TNK2: variants seen among roughly 807,000 people sequenced by gnomAD.
TNK2 encodes tyrosine kinase non receptor 2.
In TNK2, 83 loss-of-function variants were observed where a neutral mutation model predicts 101.8. That is an observed-to-expected ratio of 0.82 (90% CI 0.68 to 0.98). TNK2 has a LOEUF of 0.98. Among genes scored for constraint, TNK2 ranks in the 50% least tolerant of loss-of-function variants. The pLI is 0.00. For synonymous variants in TNK2, 804 were observed against 633.0 expected (o/e 1.27, Z -4.06); for missense variants, 1,665 against 1,483.2 (o/e 1.12, Z -2.01).
chr3:195,872,810 C>A, intron 9 of TNK2: 1 of 262,572 alleles, frequency 3.8e-6, no homozygotes, highest in Admixed American at 5.0e-5. Context: ...CCAACGCCAG[C>A]TTTCAGGTCT....
rs1754969255 is a variant in TNK2 at position 195,884,998 on chromosome 3, TG to T, written c.269del (p.Pro90HisfsTer64). ...GGAAGGTGCTCTGAGAGTGATGAGG[TG>T]GGAACTCAGCCTCCAGTCGCTTTCC... ...FSGKRLEAEF[P>X]PHHSQSTFRK... On this transcript the variant is annotated frameshift_variant, in exon 4 of 16. Coordinates refer to ENST00000672887, the MANE Select transcript of TNK2 (RefSeq NM_001382273.1). LOFTEE classifies it high-confidence loss of function. 1 of 1,608,284 alleles carries T rather than the reference TG, an allele frequency of 6.2e-7. No homozygotes were observed. The highest frequency in any genetic ancestry group is 8.5e-7 in the Non-Finnish European group (1 of 1,176,458).
chr3:195,885,912 T>C lies in TNK2; in HGVS notation c.235-879A>G. The C allele has an allele frequency of 4.0e-6, 1 of 247,068 alleles. No individual in the cohort carries two copies. Among genetic ancestry groups the C allele is most frequent in the South Asian group, 4.5e-5 (1 of 22,400 alleles). 15.3% of individuals were successfully genotyped at this position (247,068 alleles called of 1,614,324 possible). A position where few individuals can be genotyped will look rare whatever the true frequency, so the allele number is the denominator to read the frequency against. ...TCCGTCTGGGCTAGGGTGCCTCAAA[T>C]CTGAGGGCCTCTTCTGGCCTCTGCC... On this transcript the variant is annotated intron_variant, in intron 3 of 15. Transcript: ENST00000672887. This position sits in a 1 kb window ranked among gnomAD's most constrained non-coding sequence, Gnocchi z 4.7.
intron 1 of TNK2, among the ~76,000 whole-genome samples, chr3:195,890,476 A>C (rs1388885863): frequency 4.6e-5 from 4 of 86,970 alleles, no homozygotes; most frequent in Non-Finnish European, 8.7e-5. Context: ...TTTTTTTTTG[A>C]GACAGAGTGA....
chr3:195,869,944 T>G, intron 11 of TNK2, 170 bp downstream of exon 11: 1 of 593,142 alleles, frequency 1.7e-6, no homozygotes, highest in Non-Finnish European at 3.0e-6. Flanking sequence ...TACAGCTGCC[T>G]GTCTTCCACC....
intron 1 of TNK2, among the ~76,000 whole-genome samples, chr3:195,889,530 G>A (rs1757516914): frequency 1.3e-5 from 2 of 152,158 alleles, no homozygotes; most frequent in South Asian, 2.1e-4. Flanking sequence ...GAATATTCAC[G>A]CATTAACCAT....
chr3:195,901,967 T>C (rs563747822), intron 1 of TNK2, among the ~76,000 whole-genome samples: 2 of 152,296 alleles, frequency 1.3e-5, no homozygotes, highest in South Asian at 4.1e-4. Context: ...TGAGGAAGTC[T>C]GAAGAAGGGA....
intron 13 of TNK2, 34 bp downstream of exon 13, chr3:195,867,327 C>A: frequency 6.2e-7 from 1 of 1,608,340 alleles, no homozygotes; most frequent in African/African-American, 1.3e-5. Flanking sequence ...TTGGGCCCTG[C>A]CCCGCTTCGC....
chr3:195,869,300 T>A, intron 12 of TNK2, 197 bp downstream of exon 12: 1 of 641,712 alleles, frequency 1.6e-6, no homozygotes, highest in Non-Finnish European at 2.8e-6. Context: ...GCCACACTCG[T>A]GAGCAGAAGC....
chr3:195,865,070 C>T (rs572926668), intron 15 of TNK2, among the ~76,000 whole-genome samples: 3 of 105,810 alleles, frequency 2.8e-5, no homozygotes, highest in East Asian at 3.0e-4. Context: ...ACAGGTGACA[C>T]GGAGTGCCTG....
At chr3:195,879,442 G>GA in intron 6 of TNK2, 1 of 371,520 alleles carries the variant, frequency 2.7e-6, no homozygotes, top group South Asian at 3.6e-5. Flanking sequence ...GAGAAGCATG[G>GA]AAAGGAAGGA....
Position 195,863,972 on chromosome 3 carries a change from T to C in TNK2, c.*209A>G. 2 of 585,270 alleles carry C rather than the reference T, an allele frequency of 3.4e-6. No individual in the cohort carries two copies. The highest frequency in any genetic ancestry group is 3.0e-6 in the Non-Finnish European group (1 of 335,374). 36.3% of individuals were successfully genotyped at this position (585,270 alleles called of 1,614,324 possible). A position where few individuals can be genotyped will look rare whatever the true frequency, so the allele number is the denominator to read the frequency against. ...CACATCTTGGCAGGGGCACCGGGAC[T>C]GAACCAAAGTGTGCAGGGACAGCGC... is the stretch of plus-strand genomic sequence containing the variant. On this transcript the variant is annotated 3_prime_UTR_variant, in exon 16 of 16. Coordinates refer to ENST00000672887, the MANE Select transcript of TNK2 (RefSeq NM_001382273.1).
chr3:195,902,666 T>A (rs1402129112), intron 1 of TNK2, among the ~76,000 whole-genome samples: 8 of 138,054 alleles, frequency 5.8e-5, no homozygotes, highest in Non-Finnish European at 1.1e-4. Flanking sequence ...AAAAAACACC[T>A]CTCAGCAAAG....
At position 195,870,102 on chromosome 3, in the gene TNK2, A is replaced by G. The variant is rs1577003662; in HGVS notation, c.1543+12T>C. On this transcript the variant is annotated intron_variant, in intron 11 of 15. Transcript: ENST00000672887. ...ATGAGTTAGGGACACCAGGGAGCAG[A>G]GGGGCTCTTACTTTTCACCCCTCCT... 2 of 1,447,956 alleles carry G rather than the reference A, an allele frequency of 1.4e-6. No homozygotes were observed. The highest frequency in any genetic ancestry group is 1.8e-6 in the Non-Finnish European group (2 of 1,094,420). 89.7% of individuals were successfully genotyped at this position (1,447,956 alleles called of 1,614,324 possible). A position where few individuals can be genotyped will look rare whatever the true frequency, so the allele number is the denominator to read the frequency against.
intron 12 of TNK2, chr3:195,869,295 AC>A: frequency 1.6e-6 from 1 of 628,276 alleles, no homozygotes; most frequent in South Asian, 1.9e-5. Context: ...CCAGGGCCAC[AC>A]TCGTGAGCAG....
At position 195,886,311 on chromosome 3, in the gene TNK2, T is replaced by A. The variant is rs956833816; in HGVS notation, c.234+666A>T. ...CTTTGCCGGATTGCAGCCAGGAAAA[T>A]CTCTGCTGCCCAATCCCACTGCAGC... On this transcript the variant is annotated intron_variant, in intron 3 of 15. Transcript: ENST00000672887. This position sits in a 1 kb window ranked among gnomAD's most constrained non-coding sequence, Gnocchi z 4.2. 2.0e-5 allele frequency: 3 copies of A among 152,068 alleles called. No homozygotes were observed. The highest frequency in any genetic ancestry group is 7.3e-5 in the African/African-American group (3 of 41,292). 9.4% of individuals were successfully genotyped at this position (152,068 alleles called of 1,614,324 possible).
chr3:195,869,470 C>T (rs969396990), intron 12 of TNK2, 27 bp downstream of exon 12: 20 of 1,549,662 alleles, frequency 1.3e-5, no homozygotes, highest in African/African-American at 2.7e-5. Flanking sequence ...GGGCGGGGGC[C>T]AAGGCATCGG....
At chr3:195,880,503 C>T (rs1248487028) in intron 6 of TNK2, among the ~76,000 whole-genome samples, 2 of 59,082 alleles carry the variant, frequency 3.4e-5, no homozygotes, top group Non-Finnish European at 6.1e-5. Flanking sequence ...GCATCTATCC[C>T]TGTAACACCC....
intron 9 of TNK2, among the ~76,000 whole-genome samples, chr3:195,873,050 G>T (rs930856198): frequency 6.6e-6 from 1 of 152,076 alleles, no homozygotes; most frequent in African/African-American, 2.4e-5. Flanking sequence ...AGGAGCACTC[G>T]GGCAACTCAG....
intron 1 of TNK2, chr3:195,892,109 G>T: frequency 3.0e-6 from 2 of 667,578 alleles, no homozygotes; most frequent in African/African-American, 1.9e-5. Context: ...TGCAGCACAG[G>T]GCATGGCTGC....
Sources: gnomAD v4.1 joint callset for allele counts (sites outside exome capture counted in the v4.1 genomes callset) on GRCh38, gnomAD v4.1.1 for gene constraint, Gnocchi (gnomAD v3.1) non-coding constraint, MANE v1.5 for transcripts, NCBI Gene and HGNC (gene_info 2026-07-23, HGNC 2026-07-21) for gene names.